The following CDH11 variants were observed in gnomAD, a reference collection of about 807,000 sequenced individuals.
CDH11 encodes the protein cadherin-11.
Under a neutral mutation model 67.8 loss-of-function variants are expected in CDH11, and 11 were observed. The ratio of observed to expected loss-of-function variants is 0.16; its 90% CI spans 0.10 to 0.27. CDH11 has a LOEUF of 0.27. Ranked by LOEUF, CDH11 falls within the 10% of genes least tolerant of loss-of-function variation. CDH11 has a pLI of 1.00. For synonymous variants in CDH11, 419 were observed against 400.0 expected, an observed-to-expected ratio of 1.05 and a Z score of -0.57; for missense variants, 847 against 1,031.2, an observed-to-expected ratio of 0.82 and a Z score of 2.45.
intron 1 of CDH11, among the ~76,000 whole-genome samples, chr16:65,078,063 T>A (rs918097299): frequency 7.2e-5 from 11 of 152,236 alleles, no homozygotes; most frequent in African/African-American, 2.4e-4. Flanking sequence ...TACCCTCCCC[T>A]ACTATGCCAA....
At chr16:65,103,769 A>G (rs2075028478) in intron 1 of CDH11, among the ~76,000 whole-genome samples, 1 of 152,226 alleles carries the variant, frequency 6.6e-6, no homozygotes. Context: ...GCATTAGTAT[A>G]AAACACACTC....
intron 5 of CDH11, among the ~76,000 whole-genome samples, chr16:64,992,409 C>G (rs1262825794): frequency 2.6e-5 from 4 of 152,228 alleles, no homozygotes; most frequent in African/African-American, 9.6e-5. Context: ...AAGAGTGAAC[C>G]AAATCGGTTA....
intron 8 of CDH11, among the ~76,000 whole-genome samples, chr16:64,973,920 C>G (rs1313465941): frequency 6.6e-6 from 1 of 152,106 alleles, no homozygotes; most frequent in Non-Finnish European, 1.5e-5. Context: ...GTGTAATGTA[C>G]AAAGTAAGCT....
chr16:64,955,208 T>G (rs970883220), intron 11 of CDH11, among the ~76,000 whole-genome samples: 1 of 152,146 alleles, frequency 6.6e-6, no homozygotes, highest in Non-Finnish European at 1.5e-5. Flanking sequence ...ATCACGCTAC[T>G]GTACTCCAGC....
chr16:65,056,087 T>C (rs1054693607), intron 1 of CDH11, among the ~76,000 whole-genome samples: 40 of 152,220 alleles, frequency 2.6e-4, no homozygotes, highest in Non-Finnish European at 1.5e-5. Flanking sequence ...AACCACCCAA[T>C]CTGTGATATT....
chr16:65,048,791 T>TAC (rs1224763572), intron 2 of CDH11, among the ~76,000 whole-genome samples: 4 of 151,956 alleles, frequency 2.6e-5, no homozygotes, highest in African/African-American at 7.3e-5. Context: ...AATATATATA[T>TAC]ACACACACAC....
chr16:65,028,055 T>A (rs538492691), intron 2 of CDH11, among the ~76,000 whole-genome samples: 1 of 152,336 alleles, frequency 6.6e-6, no homozygotes, highest in African/African-American at 2.4e-5. Context: ...AGAAAAGACC[T>A]ACATCATGAA....
chr16:65,121,827 C>A lies in CDH11; in HGVS notation c.-298+53G>T, dbSNP rs1039533180. The stretch of plus-strand genomic sequence containing the variant: ...CTCTTCCTGAGAAAATCCTGCCCCC[C>A]ATTCCAAGAAGCCCCAACCAGGCGA... On this transcript the variant is annotated intron_variant, in intron 1 of 12. Coordinates refer to ENST00000268603, the MANE Select transcript of CDH11 (RefSeq NM_001797.4). The surrounding 1 kb of genome is among the most constrained non-coding windows in gnomAD (Gnocchi z 4.1). The A allele has an allele frequency of 6.4e-5, 45 of 701,742 alleles. No individual in the cohort carries two copies. The highest frequency in any genetic ancestry group is 1.1e-4 in the Non-Finnish European group (43 of 384,524). The allele number at this position is 701,742 out of a possible 1,614,324, so 43.5% of individuals were successfully genotyped here. A position where few individuals can be genotyped will look rare whatever the true frequency, so the allele number is the denominator to read the frequency against.
intron 12 of CDH11, among the ~76,000 whole-genome samples, chr16:64,949,425 CTTTT>C (rs71143535): frequency 2.8e-5 from 3 of 106,016 alleles, no homozygotes; most frequent in Non-Finnish European, 1.8e-5. Flanking sequence ...TTTTTTTTTT[CTTTT>C]TTTTTTTTTT....
intron 1 of CDH11, among the ~76,000 whole-genome samples, chr16:65,112,084 A>AT (rs1464279110): frequency 6.6e-6 from 1 of 151,682 alleles, no homozygotes; most frequent in African/African-American, 2.4e-5. Flanking sequence ...AAAAAAAAAA[A>AT]AAAAGAATAA....
Position 65,044,541 on chromosome 16 carries a change from C to T in CDH11, c.-173+9263G>A, listed in dbSNP as rs1028700059. ...TGATAGACACTGAGGAATCAAGGCA[C>T]TCTCTATACAGAAGGAAAAAGGGAC... On this transcript the variant is annotated intron_variant, in intron 2 of 12. Coordinates refer to ENST00000268603, the MANE Select transcript of CDH11 (RefSeq NM_001797.4). 1.2e-4 allele frequency among the ~76,000 whole-genome samples: 18 copies of T among 152,118 alleles called. No individual in the cohort carries two copies. The South Asian group carries it at 1.7e-3, about 14-fold the overall frequency.
At chr16:65,000,931 A>G (rs943468187) in intron 3 of CDH11, among the ~76,000 whole-genome samples, 1 of 121,304 alleles carries the variant, frequency 8.2e-6, no homozygotes, top group African/African-American at 2.6e-5. Flanking sequence ...ATTTTTGTTA[A>G]AATTGGTATT....
chr16:64,950,286 T>A (rs2071321521), intron 12 of CDH11, among the ~76,000 whole-genome samples: 2 of 152,074 alleles, frequency 1.3e-5, no homozygotes, highest in East Asian at 1.9e-4. Context: ...GGGGTTAGAG[T>A]CCTGCTTCTT....
intron 2 of CDH11, among the ~76,000 whole-genome samples, chr16:65,023,089 G>T (rs189885405): frequency 4.1e-4 from 63 of 152,244 alleles, no homozygotes; most frequent in Admixed American, 4.1e-3. Flanking sequence ...AGCAAAAAAG[G>T]CCTGAGAGAA....
intron 7 of CDH11, chr16:64,984,929 T>C (rs1448138916): frequency 6.6e-6 from 1 of 152,216 alleles, no homozygotes; most frequent in East Asian, 1.9e-4. Context: ...AAAAGAGTTT[T>C]ATTAAAACAG....
chr16:65,002,917 A>ATTTTCTTT (rs2072955002), intron 3 of CDH11, among the ~76,000 whole-genome samples: 1 of 141,752 alleles, frequency 7.1e-6, no homozygotes, highest in African/African-American at 2.6e-5. Context: ...TCTATTATTC[A>ATTTTCTTT]TTTTCTTTTT....
chr16:64,948,599 G>C, intron 12 of CDH11: 1 of 1,604,628 alleles, frequency 6.2e-7, no homozygotes, highest in East Asian at 2.2e-5. Context: ...AACTTAATGG[G>C]AAGTCTTACC....
chr16:65,070,923 A>C (rs1325255996), intron 1 of CDH11, among the ~76,000 whole-genome samples: 1 of 152,220 alleles, frequency 6.6e-6, no homozygotes, highest in African/African-American at 2.4e-5. Flanking sequence ...GCTGAAAAAA[A>C]CCAACCTCCC....
intron 2 of CDH11, among the ~76,000 whole-genome samples, chr16:65,025,029 C>G (rs1038540380): frequency 2.0e-5 from 3 of 152,222 alleles, no homozygotes; most frequent in Non-Finnish European, 2.9e-5. Context: ...CTGTCTCAGT[C>G]CAGCAGCAGG....
Sources: gnomAD v4.1 joint callset for allele counts (sites outside exome capture counted in the v4.1 genomes callset) on GRCh38, gnomAD v4.1.1 for gene constraint, Gnocchi (gnomAD v3.1) non-coding constraint, MANE v1.5 for transcripts, NCBI Gene and HGNC (gene_info 2026-07-23, HGNC 2026-07-21) for gene names.